The following ROBO1 variants were observed in gnomAD, a reference collection of about 807,000 sequenced individuals.
ROBO1 encodes the protein roundabout guidance receptor 1, also known as roundabout homolog 1.
A neutral mutation model predicts 195.9 loss-of-function variants in ROBO1; 149 were observed. The observed-to-expected ratio is 0.76, with a 90% CI of 0.67 to 0.87. ROBO1 has a LOEUF of 0.87. Among genes scored for constraint, ROBO1 ranks in the 40% least tolerant of loss-of-function variants. ROBO1 has a pLI of 0.00. For missense variants in ROBO1, 1,933 were observed against 2,068.3 expected (o/e 0.93, Z 1.27); for synonymous variants, 816 against 733.2 (o/e 1.11, Z -1.82).
At chr3:79,554,069 T>C (rs908800415) in intron 2 of ROBO1, among the ~76,000 whole-genome samples, 1 of 152,068 alleles carries the variant, frequency 6.6e-6, no homozygotes, top group Non-Finnish European at 1.5e-5. Flanking sequence ...TGTCATTTCA[T>C]ACCAACATAA....
intron 2 of ROBO1, among the ~76,000 whole-genome samples, chr3:79,310,830 T>C (rs2033451888): frequency 6.6e-6 from 1 of 152,238 alleles, no homozygotes; most frequent in Non-Finnish European, 1.5e-5. Flanking sequence ...ACAATAGTTG[T>C]AATGCATTTT....
At chr3:79,564,290 C>T (rs1483979767) in intron 2 of ROBO1, among the ~76,000 whole-genome samples, 7 of 151,860 alleles carry the variant, frequency 4.6e-5, no homozygotes, top group Non-Finnish European at 1.0e-4. Flanking sequence ...TGTAGGCTAG[C>T]CATGGTTTAG....
chr3:79,317,723 T>C (rs2033798952), intron 2 of ROBO1, among the ~76,000 whole-genome samples: 1 of 152,072 alleles, frequency 6.6e-6, no homozygotes, highest in South Asian at 2.1e-4. Context: ...TGCTCACATG[T>C]CCTCATTTTG....
chr3:78,894,787 C>G (rs1360763374), intron 4 of ROBO1, among the ~76,000 whole-genome samples: 1 of 152,172 alleles, frequency 6.6e-6, no homozygotes, highest in Non-Finnish European at 1.5e-5. Context: ...TAGAGTCTTT[C>G]AAAACTTCTG....
chr3:79,056,472 T>A (rs2078811405), intron 3 of ROBO1, among the ~76,000 whole-genome samples: 1 of 152,144 alleles, frequency 6.6e-6, no homozygotes, highest in South Asian at 2.1e-4. Context: ...TCCTGTTCAA[T>A]ATTTAGGAAG....
At chr3:79,743,940 C>T (rs1703761492) in intron 1 of ROBO1, among the ~76,000 whole-genome samples, 1 of 152,128 alleles carries the variant, frequency 6.6e-6, no homozygotes, top group African/African-American at 2.4e-5. Flanking sequence ...GGGCCTGCCT[C>T]AGGCTGTTTT....
chr3:79,538,677 A>T (rs4389443), intron 2 of ROBO1, among the ~76,000 whole-genome samples: 86,888 of 151,894 alleles, frequency 0.57, 24,971 homozygotes, highest in Non-Finnish European at 0.6. Flanking sequence ...TTCAAACTGG[A>T]GACATTTATA....
chr3:79,590,821 A>G (rs1943976321), intron 1 of ROBO1, among the ~76,000 whole-genome samples: 2 of 151,744 alleles, frequency 1.3e-5, no homozygotes, highest in Non-Finnish European at 2.9e-5. Flanking sequence ...AGATAGGTAG[A>G]TAGATGATAG....
chr3:79,255,708 AAGGGCGAT>A (rs1323124992), intron 2 of ROBO1, among the ~76,000 whole-genome samples: 2 of 152,212 alleles, frequency 1.3e-5, no homozygotes, highest in Non-Finnish European at 2.9e-5. Context: ...AATATATACG[AAGGGCGAT>A]TTCAGGGGTC....
intron 2 of ROBO1, among the ~76,000 whole-genome samples, chr3:79,572,483 A>AAT (rs371871540): frequency 1.3e-5 from 2 of 151,890 alleles, no homozygotes; most frequent in African/African-American, 4.8e-5. Context: ...GTGTTTAGGT[A>AAT]ATATATATAT....
chr3:78,667,826 C>T, intron 14 of ROBO1, 57 bp downstream of exon 14: 1 of 1,519,022 alleles, frequency 6.6e-7, no homozygotes, highest in Non-Finnish European at 9.0e-7. Context: ...TTTGTCAGTG[C>T]AATTATAACA....
intron 2 of ROBO1, among the ~76,000 whole-genome samples, chr3:79,240,168 G>A (rs1015599329): frequency 2.8e-4 from 42 of 152,044 alleles, no homozygotes; most frequent in Non-Finnish European, 5.9e-4. Context: ...TGTTATTAAC[G>A]ATGGTCACTA....
At chr3:78,698,232 T>C (rs755566239) in intron 8 of ROBO1, among the ~76,000 whole-genome samples, 3 of 152,198 alleles carry the variant, frequency 2.0e-5, no homozygotes, top group Admixed American at 2.0e-4. Context: ...TAAAACTATC[T>C]ATATTTGAAC....
intron 2 of ROBO1, among the ~76,000 whole-genome samples, chr3:79,404,083 T>G (rs1004995122): frequency 1.3e-5 from 2 of 152,202 alleles, no homozygotes; most frequent in Admixed American, 1.3e-4. Flanking sequence ...ATGGAATGAT[T>G]GAGAATGGAT....
chr3:79,418,973 C>T (rs1299219459), intron 2 of ROBO1, among the ~76,000 whole-genome samples: 1 of 152,092 alleles, frequency 6.6e-6, no homozygotes, highest in African/African-American at 2.4e-5. Context: ...GTGTTACGAT[C>T]TTCAGTCCAG....
chr3:79,682,704 T>C (rs1946985543), intron 1 of ROBO1, among the ~76,000 whole-genome samples: 1 of 152,028 alleles, frequency 6.6e-6, no homozygotes, highest in Non-Finnish European at 1.5e-5. Context: ...TGGCTCTAAA[T>C]AATAGAGAAG....
intron 4 of ROBO1, among the ~76,000 whole-genome samples, chr3:78,870,972 G>A (rs925299712): frequency 6.6e-6 from 1 of 152,250 alleles, no homozygotes; most frequent in East Asian, 1.9e-4. Flanking sequence ...TAAAGGGCAA[G>A]TAATATATTA....
intron 4 of ROBO1, among the ~76,000 whole-genome samples, chr3:78,832,931 A>G (rs1216102549): frequency 2.0e-5 from 3 of 152,186 alleles, no homozygotes; most frequent in Admixed American, 2.0e-4. Context: ...TTAATATACA[A>G]TAAGCTAGAA....
At chr3:79,053,997 T>A (rs971269197) in intron 3 of ROBO1, among the ~76,000 whole-genome samples, 1 of 152,112 alleles carries the variant, frequency 6.6e-6, no homozygotes, top group African/African-American at 2.4e-5. Flanking sequence ...ATTACAAACT[T>A]TTTGTACTGA....
Sources: allele counts gnomAD v4.1 joint callset (sites outside exome capture counted in the v4.1 genomes callset), GRCh38; gene constraint gnomAD v4.1.1; transcripts MANE v1.5; gene names NCBI Gene and HGNC (gene_info 2026-07-23, HGNC 2026-07-21).